ST18: variants seen among roughly 807,000 people sequenced by gnomAD.
The protein encoded by ST18 is suppression of tumorigenicity 18 protein.
A neutral mutation model predicts 110.0 loss-of-function variants in ST18; 50 were observed. That is an observed-to-expected ratio of 0.45 (90% confidence interval 0.36 to 0.58). The LOEUF (loss-of-function observed/expected upper bound fraction) is 0.58, where lower values mean the gene tolerates loss of function less well. ST18 is among the 20% of genes least tolerant of loss of function. The pLI is 0.00. For missense variants in ST18, 1,306 were observed against 1,280.1 expected (o/e 1.02, Z -0.31); for synonymous variants, 461 against 452.4 (o/e 1.02, Z -0.24).
intron 12 of ST18, 122 bp from the exon 13 acceptor site, chr8:52,164,212 G>C: frequency 1.3e-6 from 1 of 781,092 alleles, no homozygotes; most frequent in Non-Finnish European, 2.1e-6. Flanking sequence ...AGTTCACTTA[G>C]CACCACGCAC....
intron 25 of ST18, among the ~76,000 whole-genome samples, chr8:52,115,461 C>T (rs1388364501): frequency 6.6e-6 from 1 of 152,136 alleles, no homozygotes. Flanking sequence ...CATAAGATAA[C>T]AATAGCATGT....
intron 2 of ST18, among the ~76,000 whole-genome samples, chr8:52,367,003 C>T (rs560558837): frequency 7.5e-4 from 114 of 152,204 alleles, no homozygotes; most frequent in Middle Eastern, 3.4e-3. Context: ...GGGGCTGAGG[C>T]GTGCAGATCA....
rs925875839 is a variant in ST18 at position 52,112,512 on chromosome 8, A to G, written c.*686T>C. 1 of 152,640 alleles carries G rather than the reference A, an allele frequency of 6.6e-6. No individual in the cohort carries two copies. The highest frequency in any genetic ancestry group is 2.4e-5 in the African/African-American group (1 of 41,446). The allele number at this position is 152,640 out of a possible 1,614,324, so 9.5% of individuals were successfully genotyped here. ...TGATTGCTATATTTAATTATTGCTA[A>G]CAAATTCTGAGCAGGCTGTTTTCCA... On this transcript the variant is annotated 3_prime_UTR_variant, in exon 26 of 26. Coordinates refer to ENST00000689386, the MANE Select transcript of ST18 (RefSeq NM_001352837.2).
intron 2 of ST18, among the ~76,000 whole-genome samples, chr8:52,271,122 T>G (rs753154660): frequency 6.6e-6 from 1 of 152,160 alleles, no homozygotes; most frequent in Non-Finnish European, 1.5e-5. Context: ...TTGGTCTCGA[T>G]CTTCTGACCT....
chr8:52,392,145 T>C (rs996174721), intron 2 of ST18, among the ~76,000 whole-genome samples: 1 of 152,194 alleles, frequency 6.6e-6, no homozygotes, highest in African/African-American at 2.4e-5. Flanking sequence ...GAGTTGAGGG[T>C]AAACCGAATT....
chr8:52,182,928 C>T (rs745675508), intron 8 of ST18, among the ~76,000 whole-genome samples: 14 of 152,124 alleles, frequency 9.2e-5, no homozygotes, highest in Admixed American at 2.6e-4. Context: ...CTGACTTTGA[C>T]GACTGCGGTG....
At chr8:52,184,929 C>T (rs1002143716) in intron 8 of ST18, among the ~76,000 whole-genome samples, 1 of 151,498 alleles carries the variant, frequency 6.6e-6, no homozygotes, top group African/African-American at 2.4e-5. Flanking sequence ...TTGAAAGGGG[C>T]CAAGAAGTAT....
At chr8:52,115,604 C>A (rs1298831913) in intron 25 of ST18, among the ~76,000 whole-genome samples, 1 of 152,106 alleles carries the variant, frequency 6.6e-6, no homozygotes, top group Non-Finnish European at 1.5e-5. Flanking sequence ...AGCCTGGGTG[C>A]AAAGTAAGTA....
intron 2 of ST18, among the ~76,000 whole-genome samples, chr8:52,349,938 G>A (rs73580801): frequency 0.17 from 25,615 of 152,038 alleles, 3,654 homozygotes; most frequent in African/African-American, 0.39. Flanking sequence ...TTTGAGATAG[G>A]CACACTTGTC....
intron 2 of ST18, among the ~76,000 whole-genome samples, chr8:52,397,959 T>G (rs1841732909): frequency 1.3e-5 from 2 of 151,980 alleles, no homozygotes; most frequent in Non-Finnish European, 2.9e-5. Context: ...ATTTTAGAGT[T>G]TTTTTTTCAA....
At chr8:52,358,645 C>T (rs1473811984) in intron 2 of ST18, among the ~76,000 whole-genome samples, 3 of 151,530 alleles carry the variant, frequency 2.0e-5, no homozygotes, top group East Asian at 1.9e-4. Flanking sequence ...AAAACTGACT[C>T]GAGAAGAAAT....
At chr8:52,370,536 G>A (rs1564599337) in intron 2 of ST18, among the ~76,000 whole-genome samples, 1 of 152,092 alleles carries the variant, frequency 6.6e-6, no homozygotes, top group Admixed American at 6.5e-5. Context: ...AGTCTTGAAG[G>A]AGCCACACAT....
chr8:52,208,890 T>A (rs2081142163), intron 8 of ST18, among the ~76,000 whole-genome samples: 3 of 152,192 alleles, frequency 2.0e-5, no homozygotes, highest in Admixed American at 2.0e-4. Context: ...AGCATGGTCA[T>A]TCTGTTGAAC....
At chr8:52,219,106 G>C (rs1039101345) in intron 5 of ST18, among the ~76,000 whole-genome samples, 42 of 152,106 alleles carry the variant, frequency 2.8e-4, no homozygotes, top group African/African-American at 9.4e-4. Context: ...TACATTGAGT[G>C]CCCTTTCTTT....
chr8:52,268,648 G>C (rs1049461316), intron 2 of ST18, among the ~76,000 whole-genome samples: 2 of 152,182 alleles, frequency 1.3e-5, no homozygotes, highest in Non-Finnish European at 2.9e-5. Context: ...GCACAGATGT[G>C]TAATAAATCT....
chr8:52,248,457 G>C (rs12386930), intron 2 of ST18: 16 of 152,072 alleles, frequency 1.1e-4, no homozygotes, highest in African/African-American at 3.9e-4. Context: ...GGACAGTTCT[G>C]AGAATAAAAT....
chr8:52,343,969 AT>A (rs1816456786), intron 2 of ST18, among the ~76,000 whole-genome samples: 1 of 152,212 alleles, frequency 6.6e-6, no homozygotes, highest in South Asian at 2.1e-4. Context: ...GCAGCAAAAA[AT>A]TACCATTTTA....
intron 17 of ST18, among the ~76,000 whole-genome samples, 199 bp downstream of exon 17, chr8:52,142,731 T>C (rs1353927499): frequency 6.6e-6 from 1 of 152,252 alleles, no homozygotes; most frequent in Non-Finnish European, 1.5e-5. Context: ...TGTTTTTTAA[T>C]CAACAGGCTT....
chr8:52,307,487 C>T (rs2095833621), intron 2 of ST18, among the ~76,000 whole-genome samples: 1 of 152,158 alleles, frequency 6.6e-6, no homozygotes, highest in African/African-American at 2.4e-5. Context: ...AGAGTATTAA[C>T]TATTAGAATT....
Sources: allele counts gnomAD v4.1 joint callset (sites outside exome capture counted in the v4.1 genomes callset), GRCh38; gene constraint gnomAD v4.1.1; transcripts MANE v1.5; gene names NCBI Gene and HGNC (gene_info 2026-07-23, HGNC 2026-07-21).